NOS1AP: variants seen among roughly 807,000 people sequenced by gnomAD.
NOS1AP encodes nitric oxide synthase 1 adaptor protein, also known as carboxyl-terminal PDZ ligand of neuronal nitric oxide synthase protein.
In NOS1AP, 21 loss-of-function variants were observed where a neutral mutation model predicts 56.2. That is an observed-to-expected ratio of 0.37 (90% CI 0.26 to 0.54). The LOEUF (loss-of-function observed/expected upper bound fraction) is 0.54. Ranked by LOEUF, NOS1AP falls within the 20% of genes least tolerant of loss-of-function variation. The pLI is 0.84. For missense variants in NOS1AP, 522 were observed against 657.8 expected, an observed-to-expected ratio of 0.79 and a Z score of 2.26; for synonymous variants, 270 against 274.6, an observed-to-expected ratio of 0.98 and a Z score of 0.17.
chr1:162,132,791 T>C (rs970724765), intron 1 of NOS1AP, among the ~76,000 whole-genome samples: 1 of 152,178 alleles, frequency 6.6e-6, no homozygotes, highest in African/African-American at 2.4e-5. Context: ...CCCTCCCAGG[T>C]TCCACACTCC....
intron 1 of NOS1AP, among the ~76,000 whole-genome samples, chr1:162,117,466 C>A (rs1371436436): frequency 6.6e-6 from 1 of 152,140 alleles, no homozygotes; most frequent in African/African-American, 2.4e-5. Context: ...TAGCTATCAT[C>A]CTCTTTGTTT....
At chr1:162,170,940 C>CA (rs71650179) in intron 2 of NOS1AP, among the ~76,000 whole-genome samples, 29,860 of 128,094 alleles carry the variant, frequency 0.23, 3,215 homozygotes, top group East Asian at 0.39. Flanking sequence ...AACTCCATCT[C>CA]AAAAAAAAAA....
At chr1:162,163,062 C>T (rs979752062) in intron 2 of NOS1AP, among the ~76,000 whole-genome samples, 2 of 152,084 alleles carry the variant, frequency 1.3e-5, no homozygotes, top group African/African-American at 4.8e-5. Context: ...CAATATGTGG[C>T]CTTTGGTATT....
At chr1:162,087,255 A>C (rs187808092) in intron 1 of NOS1AP, among the ~76,000 whole-genome samples, 1 of 152,240 alleles carries the variant, frequency 6.6e-6, no homozygotes, top group East Asian at 1.9e-4. Context: ...TCTTTCCAAC[A>C]GTAGCTTTAA....
chr1:162,306,630 G>A (rs556186435), intron 4 of NOS1AP, among the ~76,000 whole-genome samples: 3 of 152,090 alleles, frequency 2.0e-5, no homozygotes, highest in Non-Finnish European at 4.4e-5. Flanking sequence ...TTTGCTAAGT[G>A]CAGCTTTAAT....
At chr1:162,106,127 G>T (rs906213775) in intron 1 of NOS1AP, among the ~76,000 whole-genome samples, 7 of 152,164 alleles carry the variant, frequency 4.6e-5, no homozygotes, top group Non-Finnish European at 1.0e-4. Context: ...GGGCTCATGA[G>T]GGGATCTCCT....
chr1:162,170,458 C>T (rs1650712547), intron 2 of NOS1AP, among the ~76,000 whole-genome samples: 1 of 152,178 alleles, frequency 6.6e-6, no homozygotes, highest in Non-Finnish European at 1.5e-5. Context: ...ACTAGTAAGC[C>T]ACATGGCTTC....
chr1:162,081,774 A>ATATATATATATTTTT, intron 1 of NOS1AP, among the ~76,000 whole-genome samples: 1 of 44,060 alleles, frequency 2.3e-5, no homozygotes, highest in African/African-American at 7.7e-5. Context: ...ATATATATAT[A>ATATATATATATTTTT]TTTTTTTTTT....
chr1:162,365,466 C>T lies in NOS1AP; in HGVS notation c.1002C>T (p.Arg334=), dbSNP rs348624. 0.14 allele frequency: 227,534 copies of T among 1,613,774 alleles called. 20,644 individuals carry two copies. Among genetic ancestry groups the T allele is most frequent in the African/African-American group, 0.41 (30,904 of 74,948 alleles). ...CGGCGCGGCTGGAGGCCCAGGCTCG[C>T]GTGCATCAGCTTTTGCTGCAGAACA... ...EAAARLEAQA[R]VHQLLLQNKD... The change falls in exon 9 of 10, where the codon CGC becomes CGT. Residue 334 remains arginine (R), a synonymous_variant. Transcript: ENST00000361897.
At chr1:162,363,410 C>T (rs1657966573) in intron 8 of NOS1AP, 1 of 152,696 alleles carries the variant, frequency 6.5e-6, no homozygotes, top group African/African-American at 2.4e-5. Context: ...CACCACCCTC[C>T]AGGAACCTCT....
At chr1:162,233,483 A>G (rs1653192379) in intron 2 of NOS1AP, among the ~76,000 whole-genome samples, 1 of 149,950 alleles carries the variant, frequency 6.7e-6, no homozygotes, top group South Asian at 2.2e-4. Flanking sequence ...TGTACAGTTT[A>G]CCCATTTAAA....
intron 2 of NOS1AP, among the ~76,000 whole-genome samples, chr1:162,160,665 C>T (rs1473603397): frequency 1.3e-5 from 2 of 152,108 alleles, no homozygotes; most frequent in African/African-American, 2.4e-5. Flanking sequence ...CCCTAAGTGG[C>T]CCCCCTCAGC....
At chr1:162,102,131 T>G (rs1432206255) in intron 1 of NOS1AP, among the ~76,000 whole-genome samples, 1 of 152,166 alleles carries the variant, frequency 6.6e-6, no homozygotes, top group East Asian at 1.9e-4. Flanking sequence ...TATACCCTGT[T>G]TATTGAGAGT....
intron 5 of NOS1AP, chr1:162,342,492 G>A (rs1657139262): frequency 4.2e-6 from 2 of 470,916 alleles, no homozygotes; most frequent in Admixed American, 2.3e-5. Context: ...GCAGAGAATG[G>A]ACTACAGCAG....
chr1:162,332,670 G>A (rs1350377656), intron 4 of NOS1AP, among the ~76,000 whole-genome samples: 22 of 152,206 alleles, frequency 1.4e-4, no homozygotes, highest in Admixed American at 1.3e-3. Flanking sequence ...ATCTCTCTGG[G>A]TAAGAAGCAG....
chr1:162,361,627 A>T (rs1468938859), intron 8 of NOS1AP, among the ~76,000 whole-genome samples: 1 of 152,216 alleles, frequency 6.6e-6, no homozygotes, highest in African/African-American at 2.4e-5. Context: ...GGGTGCTCAC[A>T]TATTCACAGG....
chr1:162,308,999 T>C (rs1655933696), intron 4 of NOS1AP, among the ~76,000 whole-genome samples: 1 of 152,240 alleles, frequency 6.6e-6, no homozygotes, highest in Non-Finnish European at 1.5e-5. Context: ...CCATTTTGTT[T>C]TACCTCTGTG....
At chr1:162,271,940 C>T (rs1379824606) in intron 2 of NOS1AP, among the ~76,000 whole-genome samples, 1 of 152,146 alleles carries the variant, frequency 6.6e-6, no homozygotes, top group Non-Finnish European at 1.5e-5. Context: ...GGCTGGAGTG[C>T]AGTGGCATGG....
intron 2 of NOS1AP, among the ~76,000 whole-genome samples, chr1:162,156,801 A>T (rs939106535): frequency 2.6e-5 from 4 of 152,058 alleles, no homozygotes; most frequent in Non-Finnish European, 5.9e-5. Flanking sequence ...CTAGATGAGG[A>T]TGTTATTATT....
Sources: gnomAD v4.1 joint callset for allele counts (sites outside exome capture counted in the v4.1 genomes callset) on GRCh38, gnomAD v4.1.1 for gene constraint, MANE v1.5 for transcripts, NCBI Gene and HGNC (gene_info 2026-07-23, HGNC 2026-07-21) for gene names.